Variants in PTPRN2 observed in about 807,000 individuals in gnomAD.
PTPRN2 encodes receptor-type tyrosine-protein phosphatase N2.
In PTPRN2, 74 loss-of-function variants were observed where a neutral mutation model predicts 118.8. The observed-to-expected ratio is 0.62, with a 90% confidence interval of 0.52 to 0.76. The LOEUF is 0.76. Ranked by LOEUF, PTPRN2 falls within the 30% of genes least tolerant of loss-of-function variation. The pLI is 0.00. For synonymous variants in PTPRN2, 641 were observed against 608.0 expected (o/e 1.05, Z -0.80); for missense variants, 1,481 against 1,394.4 (o/e 1.06, Z -0.99).
intron 12 of PTPRN2, among the ~76,000 whole-genome samples, chr7:157,704,868 G>T (rs1798248804): frequency 1.3e-5 from 2 of 152,132 alleles, no homozygotes; most frequent in African/African-American, 4.8e-5. Flanking sequence ...CTGTAACTAA[G>T]GACAATTTTT....
intron 12 of PTPRN2, among the ~76,000 whole-genome samples, chr7:157,829,077 G>A (rs1018976095): frequency 3.3e-5 from 5 of 152,264 alleles, no homozygotes; most frequent in Admixed American, 6.5e-5. Context: ...CGATGCCAGC[G>A]CGGGGCGCAG....
intron 11 of PTPRN2, among the ~76,000 whole-genome samples, chr7:158,077,375 G>A (rs561517997): frequency 2.6e-5 from 4 of 152,316 alleles, no homozygotes; most frequent in South Asian, 2.1e-4. Context: ...ATACAGAGGC[G>A]CCGCTACTGA....
intron 2 of PTPRN2, among the ~76,000 whole-genome samples, chr7:158,449,856 T>C (rs1420358564): frequency 6.6e-6 from 1 of 152,196 alleles, no homozygotes; most frequent in African/African-American, 2.4e-5. Flanking sequence ...CTAAAATATT[T>C]GGTTTACAAA....
At chr7:158,199,221 T>C (rs1826442574) in intron 4 of PTPRN2, among the ~76,000 whole-genome samples, 1 of 152,166 alleles carries the variant, frequency 6.6e-6, no homozygotes, top group East Asian at 1.9e-4. Flanking sequence ...TCTTAGCCCT[T>C]AGCGTGTTCT....
intron 11 of PTPRN2, among the ~76,000 whole-genome samples, chr7:158,073,610 C>A (rs1812111425): frequency 6.6e-6 from 1 of 151,260 alleles, no homozygotes; most frequent in African/African-American, 2.5e-5. Flanking sequence ...GGTATGAAGA[C>A]ACTGCCCTTT....
At chr7:157,870,871 G>C (rs1563192055) in intron 12 of PTPRN2, among the ~76,000 whole-genome samples, 1 of 152,252 alleles carries the variant, frequency 6.6e-6, no homozygotes, top group East Asian at 1.9e-4. Flanking sequence ...GCACACCACA[G>C]TCATCTGTTT....
At chr7:158,019,875 C>A (rs891469144) in intron 11 of PTPRN2, among the ~76,000 whole-genome samples, 1 of 152,244 alleles carries the variant, frequency 6.6e-6, no homozygotes, top group Non-Finnish European at 1.5e-5. Context: ...CAGCGGCCCC[C>A]GGCATCCGCA....
At chr7:158,080,542 A>G (rs1319026660) in intron 11 of PTPRN2, among the ~76,000 whole-genome samples, 1 of 150,498 alleles carries the variant, frequency 6.6e-6, no homozygotes, top group Non-Finnish European at 1.5e-5. Flanking sequence ...AGGCAGGAAG[A>G]TTAAACAATA....
chr7:158,450,041 G>C (rs968896337), intron 2 of PTPRN2, among the ~76,000 whole-genome samples: 6 of 152,204 alleles, frequency 3.9e-5, no homozygotes, highest in Non-Finnish European at 1.5e-5. Context: ...TGCCAGCACA[G>C]TCTGCTCTGG....
chr7:157,898,759 C>T (rs1797274961), intron 11 of PTPRN2, 22 bp from the exon 12 acceptor site: 1 of 1,574,024 alleles, frequency 6.4e-7, no homozygotes, highest in Non-Finnish European at 8.7e-7. Flanking sequence ...AATCAGAAAG[C>T]ACAAGAGTCA....
intron 6 of PTPRN2, among the ~76,000 whole-genome samples, chr7:158,150,327 C>T (rs1263679761): frequency 1.3e-5 from 2 of 152,360 alleles, no homozygotes; most frequent in East Asian, 3.9e-4. Flanking sequence ...AGCTGACAAG[C>T]ATGTTCCATT....
chr7:158,376,083 G>A (rs539160915), intron 2 of PTPRN2, among the ~76,000 whole-genome samples: 20 of 152,174 alleles, frequency 1.3e-4, no homozygotes, highest in South Asian at 2.1e-4. Flanking sequence ...CACCCACCGC[G>A]GCTTTGGGAG....
intron 11 of PTPRN2, 61 bp downstream of exon 11, chr7:158,081,225 TGTGCGTGTTTGC>T: frequency 7.3e-7 from 1 of 1,378,652 alleles, no homozygotes; most frequent in East Asian, 2.3e-5. Flanking sequence ...TGGCTGTGCA[TGTGCGTGTTTGC>T]GTGCGTGTGT....
At position 157,982,438 on chromosome 7, in the gene PTPRN2, AT is replaced by A. The variant is rs1333834556; in HGVS notation, c.1724-83702del. Reference sequence around the variant, plus strand: ...CCAAGTCAAAGAGACGAGGAGGGGAATGCAGAGTGCAGGGTCCCCCCAAACC... The same window carrying A: ...CCAAGTCAAAGAGACGAGGAGGGGAAGCAGAGTGCAGGGTCCCCCCAAACC... On this transcript the variant is annotated intron_variant, in intron 11 of 22. Coordinates refer to ENST00000389418, the MANE Select transcript of PTPRN2 (RefSeq NM_002847.5). Among the ~76,000 whole-genome samples the A allele has an allele frequency of 2.3e-4, 30 of 131,510 alleles. 1 individual carries two copies. Among genetic ancestry groups the A allele is most frequent in the Non-Finnish European group, 2.7e-4 (17 of 63,200 alleles). 86.3% of individuals were successfully genotyped at this position (131,510 alleles called of 152,430 possible).
At chr7:158,263,126 C>A (rs995114516) in intron 3 of PTPRN2, among the ~76,000 whole-genome samples, 3 of 136,364 alleles carry the variant, frequency 2.2e-5, no homozygotes, top group Non-Finnish European at 3.1e-5. Context: ...CACACACATA[C>A]ACATATACAC....
intron 12 of PTPRN2, among the ~76,000 whole-genome samples, chr7:157,712,963 G>A (rs1446088817): frequency 2.0e-5 from 3 of 152,094 alleles, no homozygotes; most frequent in Non-Finnish European, 4.4e-5. Flanking sequence ...GAGAATAAAC[G>A]CCTGTTGTTT....
At chr7:157,803,008 A>T (rs1805412411) in intron 12 of PTPRN2, among the ~76,000 whole-genome samples, 1 of 152,174 alleles carries the variant, frequency 6.6e-6, no homozygotes, top group African/African-American at 2.4e-5. Context: ...TCTGTCATCC[A>T]GGCTGGAATG....
chr7:157,856,389 C>T (rs1347846757), intron 12 of PTPRN2, among the ~76,000 whole-genome samples: 1 of 152,244 alleles, frequency 6.6e-6, no homozygotes, highest in African/African-American at 2.4e-5. Context: ...CACATTTTCT[C>T]ACACACAGCT....
At chr7:158,219,397 A>G (rs1415500403) in intron 3 of PTPRN2, among the ~76,000 whole-genome samples, 1 of 152,102 alleles carries the variant, frequency 6.6e-6, no homozygotes, top group Non-Finnish European at 1.5e-5. Context: ...ATACCAGAAT[A>G]TTTGGGACAC....
Sources: allele counts gnomAD v4.1 joint callset (sites outside exome capture counted in the v4.1 genomes callset), GRCh38; gene constraint gnomAD v4.1.1; transcripts MANE v1.5; gene names NCBI Gene and HGNC (gene_info 2026-07-23, HGNC 2026-07-21).